The following TPR variants were observed in gnomAD, a reference collection of about 807,000 sequenced individuals.
TPR encodes nucleoprotein TPR.
Under a neutral mutation model 316.1 loss-of-function variants are expected in TPR, and 51 were observed. The ratio of observed to expected loss-of-function variants is 0.16; its 90% confidence interval spans 0.13 to 0.20. TPR has a LOEUF of 0.20. Among genes scored for constraint, TPR ranks in the 10% least tolerant of loss-of-function variants. The pLI is 1.00. For synonymous variants in TPR, 981 were observed against 914.7 expected (o/e 1.07, Z -1.31); for missense variants, 2,272 against 2,754.8 (o/e 0.82, Z 3.92).
chr1:186,321,260 G>A (rs989530817), intron 45 of TPR, among the ~76,000 whole-genome samples: 6 of 152,284 alleles, frequency 3.9e-5, no homozygotes, highest in Middle Eastern at 3.4e-3. Flanking sequence ...GGTTCTAACC[G>A]CCACATGTTA....
At position 186,335,133 on chromosome 1, in the gene TPR, T is replaced by C. The variant is rs1374697223; in HGVS notation, c.4912-4A>G. ...TCTGTCTCTGCTGTTCAGGGACCTATAAAGAGAAAGCTCTTGATTGTTGTT... is the reference window on the plus strand; with the variant it reads ...TCTGTCTCTGCTGTTCAGGGACCTACAAAGAGAAAGCTCTTGATTGTTGTT... On this transcript the variant is annotated splice_region_variant and splice_polypyrimidine_tract_variant and intron_variant, in intron 34 of 50. Transcript: ENST00000367478. 7 of 1,608,046 alleles carry C rather than the reference T, an allele frequency of 4.4e-6. No individual in the cohort carries two copies. The highest frequency in any genetic ancestry group is 5.9e-6 in the Non-Finnish European group (7 of 1,178,184).
intron 43 of TPR, chr1:186,322,842 A>G (rs1657809387): frequency 2.2e-6 from 1 of 445,198 alleles, no homozygotes; most frequent in African/African-American, 2.0e-5. Context: ...CTTAAAACAG[A>G]TCTATGATAC....
intron 46 of TPR, among the ~76,000 whole-genome samples, chr1:186,319,427 A>C (rs1214244388): frequency 6.6e-6 from 1 of 151,326 alleles, no homozygotes; most frequent in Non-Finnish European, 1.5e-5. Context: ...GTTAATTACA[A>C]AGTAATTAAC....
intron 23 of TPR, 68 bp from the exon 24 acceptor site, chr1:186,345,764 G>C: frequency 8.9e-7 from 1 of 1,127,064 alleles, no homozygotes; most frequent in Non-Finnish European, 1.3e-6. Flanking sequence ...CTGTATTGTA[G>C]TGTTACTAAA....
In TPR at chr1:186,313,675, A is replaced by G. The variant is rs755758344; in HGVS notation, c.*296T>C. On this transcript the variant is annotated 3_prime_UTR_variant, in exon 51 of 51. Coordinates refer to ENST00000367478, the MANE Select transcript of TPR (RefSeq NM_003292.3). ...TAACTAAAAAAATGTTTTCTCTTCC[A>G]TTTAGATCAATACTATAACATTGAT... is the stretch of plus-strand genomic sequence containing the variant. 10 of 1,562,996 alleles carry G rather than the reference A, an allele frequency of 6.4e-6. No individual in the cohort carries two copies. Among genetic ancestry groups the G allele is most frequent in the Non-Finnish European group, 1.8e-6 (2 of 1,134,066 alleles).
At chr1:186,362,424 C>A in intron 6 of TPR, 44 bp from the exon 7 acceptor site, 1 of 1,455,782 alleles carries the variant, frequency 6.9e-7, no homozygotes, top group Non-Finnish European at 9.6e-7. Context: ...GTCATATTAA[C>A]TGAAATTACT....
chr1:186,355,729 T>C lies in TPR; in HGVS notation c.1928A>G (p.Lys643Arg), dbSNP rs184681510. Reference protein sequence around the residue: ...LDDVSLASTPKRPSTSQTVST... With the variant: ...LDDVSLASTPRRPSTSQTVST... ...AACAGTCTGTGATGTACTTGGACGT[T>C]TTGGAGTTGATGCAAGAGAAACATC... Residue 643 changes from lysine (K) to arginine (R), a missense_variant, in exon 16 of 51, where the codon AAA becomes AGA. Lys to Arg is a conservative substitution (Grantham distance 26). This residue lies in a region of TPR where 757 missense variants were observed against 859.8 expected (regional missense o/e 0.88). Transcript: ENST00000367478. The C allele has an allele frequency of 5.9e-4, 951 of 1,614,052 alleles. 3 individuals are homozygous for C. Among genetic ancestry groups the C allele is most frequent in the Non-Finnish European group, 4.7e-5 (55 of 1,179,992 alleles).
chr1:186,347,941 G>A (rs927830423), intron 21 of TPR, among the ~76,000 whole-genome samples: 1 of 152,114 alleles, frequency 6.6e-6, no homozygotes, highest in Admixed American at 6.5e-5. Context: ...ATCTTCCTAA[G>A]TTGAGGATGT....
In TPR at chr1:186,346,249, T is replaced by C. The variant is rs1331487012; in HGVS notation, c.2982A>G (p.Leu994=). 4.3e-6 allele frequency: 7 copies of C among 1,613,250 alleles called. No individual in the cohort carries two copies. In the East Asian group the frequency reaches 6.7e-5, roughly 15 times the overall value. Residue 994 remains leucine, a synonymous_variant, in exon 23 of 51, where the codon TTA becomes TTG. Transcript: ENST00000367478. ...GTGTCTGAAATTCAGCTGACTCTTTTAAACGAACTTCAATATTCTTACGCA... is the reference window on the plus strand; with the variant it reads ...GTGTCTGAAATTCAGCTGACTCTTTCAAACGAACTTCAATATTCTTACGCA... ...EEVRKNIEVR[L]KESAEFQTQL... is the part of the protein sequence containing the mutation.
chr1:186,321,201 G>A (rs3820182), intron 45 of TPR, among the ~76,000 whole-genome samples: 28,438 of 152,080 alleles, frequency 0.19, 3,013 homozygotes, highest in African/African-American at 0.29. Context: ...TGGTTTGTAA[G>A]AATGTGTTAG....
At chr1:186,350,555 C>T (rs1658830121) in intron 20 of TPR, among the ~76,000 whole-genome samples, 167 bp from the exon 21 acceptor site, 1 of 152,068 alleles carries the variant, frequency 6.6e-6, no homozygotes, top group African/African-American at 2.4e-5. Context: ...ATGAAACAAC[C>T]GAGATCCTGA....
chr1:186,326,743 T>C (rs1657945637), intron 40 of TPR, among the ~76,000 whole-genome samples: 1 of 150,730 alleles, frequency 6.6e-6, no homozygotes. Context: ...ACAATTCTTG[T>C]TTCTTCTTTT....
chr1:186,363,434 G>T lies in TPR; in HGVS notation c.439C>A (p.Arg147Ser). 1 of 1,607,058 alleles carries T rather than the reference G, an allele frequency of 6.2e-7. No individual in the cohort carries two copies. The highest frequency in any genetic ancestry group is 8.5e-7 in the Non-Finnish European group (1 of 1,174,520). ...ELEYLTEDVK[R>S]LNEKLKESNT... ...CTTTCTTTAAGTTTTTCATTCAGAC[G>T]TTTAACATCCTCTAGAATGGTGAAG... The change falls in exon 5 of 51, where the codon CGT becomes AGT. Residue 147 changes from arginine (R) to serine (S), a missense_variant. Coordinates refer to ENST00000367478, the MANE Select transcript of TPR (RefSeq NM_003292.3).
chr1:186,325,641 A>G, intron 42 of TPR, 123 bp downstream of exon 42: 1 of 740,548 alleles, frequency 1.4e-6, no homozygotes, highest in East Asian at 2.8e-5. Context: ...TCACAAAGCT[A>G]GAACAGGGGC....
chr1:186,358,492 A>G, intron 13 of TPR, 51 bp downstream of exon 13: 1 of 1,389,510 alleles, frequency 7.2e-7, no homozygotes, highest in Non-Finnish European at 1.0e-6. Context: ...TTCAAAGATT[A>G]CTGGGCAGTC....
At chr1:186,325,731 A>G (rs777557275) in intron 42 of TPR, 33 bp downstream of exon 42, 2 of 1,552,842 alleles carry the variant, frequency 1.3e-6, no homozygotes, top group Non-Finnish European at 1.8e-6. Flanking sequence ...TACCAGAGAT[A>G]TTCAATTCAA....
At position 186,318,436 on chromosome 1, in the gene TPR, T is replaced by G. The variant is rs986112584; in HGVS notation, c.6821+11A>C. 1 of 1,602,986 alleles carries G rather than the reference T, an allele frequency of 6.2e-7. No individual in the cohort carries two copies. Among genetic ancestry groups the G allele is most frequent in the African/African-American group, 1.3e-5 (1 of 74,260 alleles). The stretch of plus-strand genomic sequence containing the variant: ...ACTAAAGCAAGCAAAAACAACAAAA[T>G]AAACTTTTACCCTTCAGATTCTGCC... On this transcript the variant is annotated intron_variant, in intron 48 of 50. Transcript: ENST00000367478.
At chr1:186,364,303 T>C (rs1390805452) in intron 4 of TPR, among the ~76,000 whole-genome samples, 2 of 151,886 alleles carry the variant, frequency 1.3e-5, no homozygotes, top group Non-Finnish European at 2.9e-5. Context: ...AATTGCTTGA[T>C]ATGTACCACA....
Position 186,326,789 on chromosome 1 carries a change from A to G in TPR, c.5890-554T>C, listed in dbSNP as rs544842724. Among the ~76,000 whole-genome samples, 260 of 150,030 alleles carry G rather than the reference A, an allele frequency of 1.7e-3. 6 individuals are homozygous for G. The highest frequency in any genetic ancestry group is 0.012 in the Admixed American group (178 of 14,856). On this transcript the variant is annotated intron_variant, in intron 40 of 50. Transcript: ENST00000367478. The stretch of plus-strand genomic sequence containing the variant: ...AACCATAGCACTTACATTTAAAGCC[A>G]TACAGTCATTTATCAATAAGACTTA...
Sources: allele counts gnomAD v4.1 joint callset (sites outside exome capture counted in the v4.1 genomes callset), GRCh38; gene constraint gnomAD v4.1.1; regional missense constraint gnomAD v4.1.1; transcripts MANE v1.5; gene names NCBI Gene and HGNC (gene_info 2026-07-23, HGNC 2026-07-21).